Variants in CTNNA2 observed in about 807,000 individuals in gnomAD.
CTNNA2 encodes catenin alpha 2, also known as catenin alpha-2.
In CTNNA2, 42 loss-of-function variants were observed where a neutral mutation model predicts 101.0. That is an observed-to-expected ratio of 0.42 (90% CI 0.32 to 0.54). The LOEUF is 0.54. CTNNA2 is among the 20% of genes least tolerant of loss of function. CTNNA2 has a pLI of 0.14. For missense variants in CTNNA2, 871 were observed against 1,223.1 expected (o/e 0.71, Z 4.29); for synonymous variants, 450 against 456.4 (o/e 0.99, Z 0.18).
chr2:80,503,268 G>T (rs1688018923), intron 9 of CTNNA2, among the ~76,000 whole-genome samples: 2 of 152,258 alleles, frequency 1.3e-5, no homozygotes, highest in South Asian at 4.2e-4. Context: ...ATTATTGCTG[G>T]AGGGAGCTTT....
intron 9 of CTNNA2, among the ~76,000 whole-genome samples, chr2:80,445,413 C>T (rs760320722): frequency 1.3e-5 from 2 of 152,090 alleles, no homozygotes; most frequent in South Asian, 4.1e-4. Context: ...AACTCCTGAG[C>T]TCAAGTGATC....
chr2:79,730,885 C>G (rs1173921830), intron 2 of CTNNA2, among the ~76,000 whole-genome samples: 1 of 151,448 alleles, frequency 6.6e-6, no homozygotes, highest in Non-Finnish European at 1.5e-5. Context: ...TTAGTGGTTA[C>G]TACAAAAAAA....
In CTNNA2 at chr2:79,417,572, C is replaced by A. The variant is rs992325835; in HGVS notation, c.-135+43559C>A. On this transcript the variant is annotated intron_variant, in intron 4 of 21. Transcript: ENST00000466387. Reference sequence around the variant, plus strand: ...TTCTTGCTTCCCAGAATTCTCTACTCTTTCCTCTCCCTTTTCAAATGCTCT... The same window carrying A: ...TTCTTGCTTCCCAGAATTCTCTACTATTTCCTCTCCCTTTTCAAATGCTCT... Among the ~76,000 whole-genome samples the A allele has an allele frequency of 3.9e-5, 6 of 152,104 alleles. No individual in the cohort carries two copies. In the South Asian group the frequency reaches 1.2e-3, roughly 32 times the overall value.
intron 2 of CTNNA2, among the ~76,000 whole-genome samples, chr2:79,230,748 G>A (rs562682797): frequency 6.6e-6 from 1 of 152,296 alleles, no homozygotes; most frequent in South Asian, 2.1e-4. Flanking sequence ...CAGCCAAGAG[G>A]GAGGCTGTAC....
chr2:79,826,493 C>T (rs74372736), intron 3 of CTNNA2, among the ~76,000 whole-genome samples: 7,341 of 152,216 alleles, frequency 0.048, 443 homozygotes, highest in African/African-American at 0.14. Context: ...TGCAATTTGG[C>T]CTCAACCAAA....
intron 7 of CTNNA2, among the ~76,000 whole-genome samples, chr2:80,381,484 G>A (rs1676512200): frequency 1.3e-5 from 2 of 152,148 alleles, no homozygotes; most frequent in Admixed American, 1.3e-4. Flanking sequence ...TTTGGAGGGG[G>A]ACATGAGAGG....
chr2:79,686,105 T>C (rs1360550235), intron 2 of CTNNA2, among the ~76,000 whole-genome samples: 2 of 151,552 alleles, frequency 1.3e-5, no homozygotes, highest in Non-Finnish European at 2.9e-5. Context: ...GAGCATAGAG[T>C]GATTAAGAAA....
intron 2 of CTNNA2, among the ~76,000 whole-genome samples, chr2:79,652,833 CAA>C (rs1681354442): frequency 6.6e-6 from 1 of 152,090 alleles, no homozygotes; most frequent in South Asian, 2.1e-4. Flanking sequence ...CTCAGGTCTC[CAA>C]AAGTCTCAAC....
At chr2:79,419,526 A>G (rs1422800364) in intron 4 of CTNNA2, among the ~76,000 whole-genome samples, 1 of 152,154 alleles carries the variant, frequency 6.6e-6, no homozygotes, top group East Asian at 1.9e-4. Flanking sequence ...TGTATTTTCC[A>G]CAAATTCTTT....
At chr2:80,631,880 TTTG>T (rs138584047) in intron 18 of CTNNA2, among the ~76,000 whole-genome samples, 4 of 152,074 alleles carry the variant, frequency 2.6e-5, no homozygotes, top group Non-Finnish European at 5.9e-5. Context: ...TGTAGTACTT[TTTG>T]TTGTTGTTGT....
At chr2:79,449,939 A>G (rs1678872673) in intron 4 of CTNNA2, among the ~76,000 whole-genome samples, 1 of 152,022 alleles carries the variant, frequency 6.6e-6, no homozygotes, top group African/African-American at 2.4e-5. Flanking sequence ...GTGTGCCGTT[A>G]CTCCAACAAG....
intron 2 of CTNNA2, among the ~76,000 whole-genome samples, chr2:79,282,366 C>A (rs1675414149): frequency 6.6e-6 from 1 of 152,194 alleles, no homozygotes; most frequent in South Asian, 2.1e-4. Context: ...ACTAACTCAT[C>A]ATCTAGCATT....
chr2:79,380,099 A>G (rs939388181), intron 4 of CTNNA2, among the ~76,000 whole-genome samples: 1 of 152,168 alleles, frequency 6.6e-6, no homozygotes, highest in Non-Finnish European at 1.5e-5. Flanking sequence ...ACAACTTTTT[A>G]TAATCTCCAA....
At chr2:79,371,875 G>C (rs941397285) in intron 3 of CTNNA2, among the ~76,000 whole-genome samples, 3 of 152,156 alleles carry the variant, frequency 2.0e-5, no homozygotes, top group Non-Finnish European at 2.9e-5. Context: ...CTAGGGAATA[G>C]GGAGGTTGCT....
chr2:79,635,822 T>C (rs1443867750), intron 1 of CTNNA2, among the ~76,000 whole-genome samples: 1 of 151,740 alleles, frequency 6.6e-6, no homozygotes, highest in African/African-American at 2.4e-5. Flanking sequence ...ATAGTTCTAT[T>C]CATTGACATA....
intron 3 of CTNNA2, among the ~76,000 whole-genome samples, chr2:79,856,423 A>T (rs1681138913): frequency 6.6e-6 from 1 of 152,212 alleles, no homozygotes; most frequent in African/African-American, 2.4e-5. Flanking sequence ...GGCTTCATTT[A>T]AATGAGCTAG....
chr2:79,312,126 C>G (rs972638350), intron 2 of CTNNA2, among the ~76,000 whole-genome samples: 1 of 151,952 alleles, frequency 6.6e-6, no homozygotes, highest in African/African-American at 2.4e-5. Context: ...CCAGGCTGCA[C>G]TAAAACTCCT....
In CTNNA2 at chr2:79,290,106, G is replaced by T. The variant is rs1675755860; in HGVS notation, c.-405-22603G>T. 2.6e-5 allele frequency among the ~76,000 whole-genome samples: 4 copies of T among 152,286 alleles called. No homozygotes were observed. In the South Asian group the frequency reaches 8.3e-4, roughly 32 times the overall value. ...CCCTAAGAGTGAGAGACTCCTTAAA[G>T]TTTACACCGTAGGCTCTTAATTTGT... On this transcript the variant is annotated intron_variant, in intron 2 of 21. Coordinates refer to the CTNNA2 transcript ENST00000466387.
intron 9 of CTNNA2, among the ~76,000 whole-genome samples, chr2:80,472,686 G>C (rs1480920135): frequency 6.6e-6 from 1 of 152,064 alleles, no homozygotes; most frequent in South Asian, 2.1e-4. Context: ...GAAAAGACTG[G>C]GACCCAAGAA....
Sources: gnomAD v4.1 joint callset for allele counts (sites outside exome capture counted in the v4.1 genomes callset) on GRCh38, gnomAD v4.1.1 for gene constraint, MANE v1.5 for transcripts, NCBI Gene and HGNC (gene_info 2026-07-23, HGNC 2026-07-21) for gene names.